Variants in TRPC6 observed in about 807,000 individuals in gnomAD.
TRPC6 encodes the protein transient receptor potential cation channel subfamily C member 6.
Under a neutral mutation model 90.7 loss-of-function variants are expected in TRPC6, and 55 were observed. The ratio of observed to expected loss-of-function variants is 0.61; its 90% CI spans 0.49 to 0.76. The LOEUF (loss-of-function observed/expected upper bound fraction) is 0.76. Among genes scored for constraint, TRPC6 ranks in the 30% least tolerant of loss-of-function variants. The probability of loss-of-function intolerance (pLI) is 0.00; values close to 1 mark genes in which losing one functional copy is unlikely to be tolerated. For missense variants in TRPC6, 989 were observed against 1,122.7 expected, an observed-to-expected ratio of 0.88 and a Z score of 1.70; for synonymous variants, 393 against 393.0, an observed-to-expected ratio of 1.00 and a Z score of 0.00.
intron 10 of TRPC6, among the ~76,000 whole-genome samples, chr11:101,467,144 C>T (rs1464078072): frequency 6.6e-6 from 1 of 152,194 alleles, no homozygotes; most frequent in Non-Finnish European, 1.5e-5. Flanking sequence ...CAGAGCTGTT[C>T]CTATTCGGCC....
chr11:101,542,065 G>T (rs528115727), intron 1 of TRPC6, among the ~76,000 whole-genome samples: 33 of 149,554 alleles, frequency 2.2e-4, no homozygotes, highest in Middle Eastern at 3.4e-3. Context: ...AAGAGAAAAA[G>T]AACTATTCCT....
At chr11:101,460,846 T>C (rs1425209128) in intron 10 of TRPC6, among the ~76,000 whole-genome samples, 1 of 152,104 alleles carries the variant, frequency 6.6e-6, no homozygotes. Flanking sequence ...ACCCCAAGGG[T>C]TGCTATGAAT....
intron 5 of TRPC6, among the ~76,000 whole-genome samples, chr11:101,478,899 C>G (rs1279276992): frequency 6.6e-6 from 1 of 152,120 alleles, no homozygotes; most frequent in Non-Finnish European, 1.5e-5. Flanking sequence ...AAAAAACCCA[C>G]CTGCGTGCTC....
At chr11:101,518,258 C>A (rs1860567437) in intron 1 of TRPC6, among the ~76,000 whole-genome samples, 1 of 152,034 alleles carries the variant, frequency 6.6e-6, no homozygotes, top group African/African-American at 2.4e-5. Flanking sequence ...AAGAGACAAC[C>A]CACAGAATCG....
At chr11:101,540,828 T>C (rs1861151017) in intron 1 of TRPC6, among the ~76,000 whole-genome samples, 1 of 152,232 alleles carries the variant, frequency 6.6e-6, no homozygotes, top group Non-Finnish European at 1.5e-5. Flanking sequence ...GACTCAATTT[T>C]GTGAGTTTTT....
chr11:101,542,497 A>G (rs1721472143), intron 1 of TRPC6, among the ~76,000 whole-genome samples: 1 of 152,184 alleles, frequency 6.6e-6, no homozygotes, highest in Non-Finnish European at 1.5e-5. Context: ...GTCAAACCCA[A>G]CTGATATGCA....
At chr11:101,518,025 G>A (rs2136770869) in intron 1 of TRPC6, among the ~76,000 whole-genome samples, 1 of 152,276 alleles carries the variant, frequency 6.6e-6, no homozygotes, top group Admixed American at 6.5e-5. Flanking sequence ...TTAAAAAGTT[G>A]TTTGAGTCAA....
chr11:101,501,080 AATACATACATACATACATAC>A (rs60962933), intron 2 of TRPC6, among the ~76,000 whole-genome samples: 66 of 146,034 alleles, frequency 4.5e-4, no homozygotes, highest in African/African-American at 8.1e-4. Context: ...AAGGGAGCAA[AATACATACATACATACATAC>A]ATACATACAT....
chr11:101,567,735 G>A (rs1861868778), intron 1 of TRPC6, among the ~76,000 whole-genome samples: 2 of 152,334 alleles, frequency 1.3e-5, no homozygotes, highest in African/African-American at 4.8e-5. Context: ...AGGGTCTGGA[G>A]TGGACCTCCA....
At chr11:101,529,236 G>A (rs781315487) in intron 1 of TRPC6, among the ~76,000 whole-genome samples, 4 of 152,166 alleles carry the variant, frequency 2.6e-5, no homozygotes, top group Non-Finnish European at 4.4e-5. Context: ...ATCTGCTCCT[G>A]AGGATGGGAG....
chr11:101,467,664 G>A (rs1221358935), intron 10 of TRPC6, among the ~76,000 whole-genome samples: 3 of 152,192 alleles, frequency 2.0e-5, no homozygotes, highest in African/African-American at 7.2e-5. Context: ...GAACATGGGT[G>A]GTAGGCTTCT....
chr11:101,460,402 T>C (rs1367312183), intron 10 of TRPC6, among the ~76,000 whole-genome samples: 2 of 152,340 alleles, frequency 1.3e-5, no homozygotes, highest in East Asian at 3.9e-4. Flanking sequence ...TATAATTTTA[T>C]GTAACTGATA....
chr11:101,493,290 T>C (rs1298919514), intron 2 of TRPC6, among the ~76,000 whole-genome samples: 2 of 152,176 alleles, frequency 1.3e-5, no homozygotes, highest in Admixed American at 1.3e-4. Context: ...ATAATGTTTT[T>C]AGAAAATTTA....
intron 1 of TRPC6, among the ~76,000 whole-genome samples, chr11:101,558,288 T>G (rs200854082): frequency 4.0e-5 from 5 of 125,716 alleles, no homozygotes; most frequent in African/African-American, 1.5e-4. Context: ...TATATATGTA[T>G]ACATGTATAT....
chr11:101,478,909 C>T (rs1320535353), intron 5 of TRPC6, among the ~76,000 whole-genome samples: 1 of 152,074 alleles, frequency 6.6e-6, no homozygotes, highest in Non-Finnish European at 1.5e-5. Context: ...CCTGCGTGCT[C>T]ATTAAATCTG....
intron 1 of TRPC6, among the ~76,000 whole-genome samples, chr11:101,546,274 T>A (rs1318216515): frequency 1.2e-5 from 1 of 85,716 alleles, no homozygotes; most frequent in African/African-American, 4.7e-5. Context: ...GGGTTTCACC[T>A]TGTTAGCCAG....
At chr11:101,521,064 C>G (rs1860647631) in intron 1 of TRPC6, among the ~76,000 whole-genome samples, 1 of 152,198 alleles carries the variant, frequency 6.6e-6, no homozygotes, top group African/African-American at 2.4e-5. Context: ...GGAATTAAAG[C>G]TGGCTGCAGA....
chr11:101,558,275 A>G (rs1183479329), intron 1 of TRPC6, among the ~76,000 whole-genome samples: 1 of 124,480 alleles, frequency 8.0e-6, no homozygotes, highest in African/African-American at 3.0e-5. Flanking sequence ...ATGGGTATAC[A>G]TGTATATATG....
chr11:101,555,746 T>C (rs534604889), intron 1 of TRPC6, among the ~76,000 whole-genome samples: 15 of 152,342 alleles, frequency 9.8e-5, no homozygotes, highest in African/African-American at 3.4e-4. Flanking sequence ...TCATTTTTTT[T>C]CTGTAGTCAG....
Sources: allele counts gnomAD v4.1 joint callset (sites outside exome capture counted in the v4.1 genomes callset), GRCh38; gene constraint gnomAD v4.1.1; transcripts MANE v1.5; gene names NCBI Gene and HGNC (gene_info 2026-07-23, HGNC 2026-07-21).